Variants in CMSS1 observed in about 807,000 individuals in gnomAD.
The protein encoded by CMSS1 is protein CMSS1.
A neutral mutation model predicts 43.5 loss-of-function variants in CMSS1; 33 were observed. That is an observed-to-expected ratio of 0.76 (90% CI 0.57 to 1.01). The LOEUF (loss-of-function observed/expected upper bound fraction) is 1.01. CMSS1 is among the 50% of genes least tolerant of loss of function. The pLI is 0.00. For synonymous variants in CMSS1, 115 were observed against 117.2 expected, an observed-to-expected ratio of 0.98 and a Z score of 0.12; for missense variants, 313 against 326.4, an observed-to-expected ratio of 0.96 and a Z score of 0.32.
intron 1 of CMSS1, among the ~76,000 whole-genome samples, chr3:100,065,361 T>C (rs2065646124): frequency 6.6e-6 from 1 of 152,184 alleles, no homozygotes; most frequent in Admixed American, 6.5e-5. Flanking sequence ...GGCATTATTA[T>C]CCACTCACAG....
chr3:100,085,508 T>C lies in CMSS1; in HGVS notation c.65-61465T>C, dbSNP rs117266435. Among the ~76,000 whole-genome samples the C allele has an allele frequency of 7.2e-5, 11 of 152,320 alleles. No individual in the cohort carries two copies. The East Asian group carries it at 2.1e-3, about 29-fold the overall frequency. ...TCCAAAGTTCCTTTGCTTTTTTATC[T>C]CAGAAGCAAAAATATCCCCATTTCT... is the stretch of plus-strand genomic sequence containing the variant. On this transcript the variant is annotated intron_variant, in intron 1 of 9. Transcript: ENST00000421999.
At chr3:99,908,769 GTTA>G (rs1576565005) in intron 1 of CMSS1, among the ~76,000 whole-genome samples, 2 of 152,202 alleles carry the variant, frequency 1.3e-5, no homozygotes, top group Middle Eastern at 3.4e-3. Flanking sequence ...AAATGTAATT[GTTA>G]TTATCACTAA....
At chr3:100,132,818 C>CAAAA (rs537334560) in intron 1 of CMSS1, among the ~76,000 whole-genome samples, 41 of 66,338 alleles carry the variant, frequency 6.2e-4, no homozygotes, top group African/African-American at 1.9e-3. Flanking sequence ...GACTCCATCC[C>CAAAA]AAAAAAAAAA....
At chr3:99,875,985 C>T (rs1705492737) in intron 1 of CMSS1, 1 of 888,438 alleles carries the variant, frequency 1.1e-6, no homozygotes, top group Non-Finnish European at 1.3e-6. Context: ...GATGCTGAGA[C>T]AGCTTTAACA....
intron 1 of CMSS1, among the ~76,000 whole-genome samples, chr3:99,966,227 T>C (rs1230237839): frequency 6.6e-6 from 1 of 152,182 alleles, no homozygotes. Context: ...CTAAGCAGGC[T>C]GCAGAGGCTG....
chr3:100,119,566 T>G (rs1417512599), intron 1 of CMSS1, among the ~76,000 whole-genome samples: 1 of 152,206 alleles, frequency 6.6e-6, no homozygotes, highest in Admixed American at 6.5e-5. Context: ...ACATAGTCAA[T>G]ACACAACACA....
intron 1 of CMSS1, among the ~76,000 whole-genome samples, chr3:100,055,827 A>G (rs1377499350): frequency 2.6e-5 from 4 of 152,184 alleles, no homozygotes; most frequent in African/African-American, 9.7e-5. Context: ...TTTCTTGTTT[A>G]TATTAAATTA....
At chr3:100,087,641 ATATAAC>A (rs1050825761) in intron 1 of CMSS1, among the ~76,000 whole-genome samples, 4 of 152,000 alleles carry the variant, frequency 2.6e-5, no homozygotes, top group African/African-American at 9.7e-5. Flanking sequence ...TTTTTCAGAT[ATATAAC>A]TTGCGAGTTT....
chr3:100,012,641 T>C (rs1419830502), intron 1 of CMSS1, among the ~76,000 whole-genome samples: 1 of 152,142 alleles, frequency 6.6e-6, no homozygotes, highest in African/African-American at 2.4e-5. Context: ...TCAGTTCAGC[T>C]AAACTACCAT....
At position 99,820,255 on chromosome 3, in the gene CMSS1, G is replaced by A. The variant is rs553702893; in HGVS notation, c.64+2212G>A. The stretch of plus-strand genomic sequence containing the variant: ...CTTGTCCCCCAGTCTGGAGTACAGT[G>A]GTGCGATCTCAGTTCACTGCAACCT... On this transcript the variant is annotated intron_variant, in intron 1 of 9. Coordinates refer to ENST00000421999, the MANE Select transcript of CMSS1 (RefSeq NM_032359.4). Among the ~76,000 whole-genome samples, 21 of 150,882 alleles carry A rather than the reference G, an allele frequency of 1.4e-4. No homozygotes were observed. In the South Asian group the frequency reaches 4.4e-3, roughly 32 times the overall value.
intron 1 of CMSS1, chr3:99,848,372 TGTTTAGTGCCCC>T: frequency 1.9e-6 from 3 of 1,614,220 alleles, no homozygotes; most frequent in Non-Finnish European, 8.5e-7. Context: ...TTGGTTGTTT[TGTTTAGTGCCCC>T]GTTAATTAAG....
intron 1 of CMSS1, among the ~76,000 whole-genome samples, chr3:99,856,215 C>T (rs1018237037): frequency 4.6e-5 from 7 of 152,152 alleles, no homozygotes; most frequent in African/African-American, 1.7e-4. Context: ...GGTTTCCAAC[C>T]CAGGAAGATG....
At chr3:100,164,852 G>A (rs1175848728) in intron 4 of CMSS1, among the ~76,000 whole-genome samples, 1 of 152,118 alleles carries the variant, frequency 6.6e-6, no homozygotes, top group Non-Finnish European at 1.5e-5. Context: ...ATTTGAGGTT[G>A]TTTGTGTCTG....
intron 1 of CMSS1, among the ~76,000 whole-genome samples, chr3:99,857,913 C>T (rs1469221357): frequency 6.6e-6 from 1 of 152,130 alleles, no homozygotes; most frequent in Non-Finnish European, 1.5e-5. Flanking sequence ...ACAACAAAGA[C>T]AATCATTAGT....
chr3:99,947,456 C>T (rs1708045807), intron 1 of CMSS1, among the ~76,000 whole-genome samples: 1 of 152,186 alleles, frequency 6.6e-6, no homozygotes, highest in African/African-American at 2.4e-5. Context: ...TCCAGTCCTT[C>T]CTGCCCCACC....
intron 6 of CMSS1, 74 bp from the exon 7 acceptor site, chr3:100,171,765 C>T (rs2067111956): frequency 1.7e-6 from 2 of 1,156,858 alleles, no homozygotes; most frequent in South Asian, 1.2e-5. Context: ...TAAAGCAAGA[C>T]ATAATACTTA....
chr3:99,822,844 A>G (rs1942464793), intron 1 of CMSS1, among the ~76,000 whole-genome samples: 1 of 152,202 alleles, frequency 6.6e-6, no homozygotes, highest in Admixed American at 6.5e-5. Context: ...AGTTAATTTA[A>G]TCTTCCCAAG....
At chr3:99,958,601 A>G (rs779202412) in intron 1 of CMSS1, among the ~76,000 whole-genome samples, 4 of 150,060 alleles carry the variant, frequency 2.7e-5, no homozygotes, top group Non-Finnish European at 6.0e-5. Context: ...GAATTAGACA[A>G]CATTTCAGAA....
Position 100,176,365 on chromosome 3 carries a change from G to C in CMSS1, c.706G>C (p.Asp236His). ...NLSPLKFLVFDWNWRDQKLRR... is the reference protein window; with the variant it reads ...NLSPLKFLVFHWNWRDQKLRR... Reference sequence around the variant, plus strand: ...GAGCCCCTTAAAATTTCTGGTTTTTGACTGGAACTGGAGAGATCAGAAGTT... The same window carrying C: ...GAGCCCCTTAAAATTTCTGGTTTTTCACTGGAACTGGAGAGATCAGAAGTT... The change falls in exon 9 of 10, where the codon GAC (aspartate) becomes CAC (histidine). Residue 236 changes from aspartate (D) to histidine (H), a missense_variant. By Grantham distance (81) the Asp-to-His change is moderately conservative. Coordinates refer to ENST00000421999, the MANE Select transcript of CMSS1 (RefSeq NM_032359.4). 2 of 1,613,654 alleles carry C rather than the reference G, an allele frequency of 1.2e-6. No homozygotes were observed. Among genetic ancestry groups the C allele is most frequent in the Non-Finnish European group, 1.7e-6 (2 of 1,179,734 alleles).
Sources: allele counts gnomAD v4.1 joint callset (sites outside exome capture counted in the v4.1 genomes callset), GRCh38; gene constraint gnomAD v4.1.1; transcripts MANE v1.5; gene names NCBI Gene and HGNC (gene_info 2026-07-23, HGNC 2026-07-21).